Variants in ZIM2 observed in about 807,000 individuals in gnomAD.
ZIM2 encodes zinc finger protein 656.
A neutral mutation model predicts 38.6 loss-of-function variants in ZIM2; 14 were observed. That is an observed-to-expected ratio of 0.36 (90% CI 0.24 to 0.57). The LOEUF (loss-of-function observed/expected upper bound fraction) is 0.57. Ranked by LOEUF, ZIM2 falls within the 20% of genes least tolerant of loss-of-function variation. ZIM2 has a pLI of 0.81. For synonymous variants in ZIM2, 247 were observed against 245.8 expected, an observed-to-expected ratio of 1.00 and a Z score of -0.04; for missense variants, 680 against 695.1, an observed-to-expected ratio of 0.98 and a Z score of 0.24.
chr19:56,786,775 TG>T (rs1331148734), intron 10 of ZIM2, among the ~76,000 whole-genome samples: 1 of 152,210 alleles, frequency 6.6e-6, no homozygotes, highest in Admixed American at 6.5e-5. Context: ...AGCACTGGGC[TG>T]GCAGTTCAGA....
Position 56,814,267 on chromosome 19 carries a change from A to G in ZIM2, c.490+3479T>C. ...CTCCACTTCTGGCTCAGCAGCCTCTACGTTTAAGCCCTGAATCCTCAGAAC... is the reference window on the plus strand; with the variant it reads ...CTCCACTTCTGGCTCAGCAGCCTCTGCGTTTAAGCCCTGAATCCTCAGAAC... On this transcript the variant is annotated intron_variant, in intron 9 of 12. Transcript: ENST00000629319. This position sits in a 1 kb window ranked among gnomAD's most constrained non-coding sequence, Gnocchi z 5.8. The G allele has an allele frequency of 6.2e-7, 1 of 1,613,832 alleles. No individual in the cohort carries two copies. Among genetic ancestry groups the G allele is most frequent in the Non-Finnish European group, 8.5e-7 (1 of 1,180,054 alleles).
At chr19:56,818,797 G>A (rs1206378178) in intron 7 of ZIM2, 95 bp from the exon 8 acceptor site, 11 of 1,407,174 alleles carry the variant, frequency 7.8e-6, no homozygotes, top group East Asian at 6.9e-5. Flanking sequence ...CATATATGAA[G>A]TTATATAGGA....
chr19:56,840,007 C>T (rs1443173017), intron 1 of ZIM2, among the ~76,000 whole-genome samples: 1 of 152,234 alleles, frequency 6.6e-6, no homozygotes, highest in Non-Finnish European at 1.5e-5. Context: ...TCGCCCCTCC[C>T]ACCACCACTG....
intron 3 of ZIM2, 125 bp from the exon 4 acceptor site, chr19:56,824,552 A>G (rs1412989132): frequency 2.5e-6 from 4 of 1,614,158 alleles, no homozygotes; most frequent in Non-Finnish European, 2.5e-6. Context: ...ACCTTCTCCT[A>G]TGATGACATC....
chr19:56,778,125 T>C (rs1024411417), intron 12 of ZIM2, among the ~76,000 whole-genome samples: 2 of 152,150 alleles, frequency 1.3e-5, no homozygotes, highest in Middle Eastern at 3.2e-3. Flanking sequence ...TTACGCTCCG[T>C]TATTATTTGT....
intron 12 of ZIM2, among the ~76,000 whole-genome samples, chr19:56,778,296 G>A (rs1302561210): frequency 6.6e-6 from 1 of 152,202 alleles, no homozygotes; most frequent in African/African-American, 2.4e-5. Flanking sequence ...GAAGAAACCA[G>A]AGTAGGGAAA....
intron 2 of ZIM2, among the ~76,000 whole-genome samples, chr19:56,829,832 G>A (rs112927092): frequency 6.6e-6 from 1 of 152,212 alleles, no homozygotes; most frequent in African/African-American, 2.4e-5. Flanking sequence ...CTGTGACAGC[G>A]AGTCTGGCCA....
At chr19:56,784,711 GTTAA>G (rs1477006564) in intron 10 of ZIM2, among the ~76,000 whole-genome samples, 16 of 152,114 alleles carry the variant, frequency 1.1e-4, no homozygotes, top group Admixed American at 9.8e-4. Context: ...TAAGGCATGG[GTTAA>G]TTAATCTCTT....
At chr19:56,786,641 G>A (rs1234195831) in intron 10 of ZIM2, among the ~76,000 whole-genome samples, 1 of 151,986 alleles carries the variant, frequency 6.6e-6, no homozygotes, top group Non-Finnish European at 1.5e-5. Context: ...AAATTTAGTT[G>A]AAATAGGACG....
chr19:56,779,040 G>C (rs145097351), intron 12 of ZIM2, among the ~76,000 whole-genome samples: 1 of 152,254 alleles, frequency 6.6e-6, no homozygotes, highest in African/African-American at 2.4e-5. Flanking sequence ...GGGAAAGTGG[G>C]AGGGCAGTGA....
chr19:56,810,414 T>C (rs2048046087), intron 9 of ZIM2: 1 of 985,066 alleles, frequency 1.0e-6, no homozygotes, highest in Non-Finnish European at 1.2e-6. Flanking sequence ...TTTTCATCTT[T>C]CTTCCCATCT....
At chr19:56,782,157 A>G (rs771768163) in intron 10 of ZIM2, 36 bp from the exon 11 acceptor site, 68 of 1,601,136 alleles carry the variant, frequency 4.2e-5, no homozygotes, top group Non-Finnish European at 5.4e-5. Flanking sequence ...GTGATTAGAG[A>G]GGACTGAACA....
rs764791278 is a variant in ZIM2 at position 56,822,734 on chromosome 19, G to T, written c.190+19C>A. On this transcript the variant is annotated intron_variant, in intron 6 of 12. Coordinates refer to ENST00000629319, the MANE Select transcript of ZIM2 (RefSeq NM_001387356.1). The stretch of plus-strand genomic sequence containing the variant: ...ATGCTCTATATCTCCTACTGGGAAA[G>T]AAAGTGGTTAAGACTCACTGCTTCT... The T allele has an allele frequency of 1.2e-6, 2 of 1,613,584 alleles. No individual in the cohort carries two copies. The highest frequency in any genetic ancestry group is 1.1e-5 in the South Asian group (1 of 90,810).
rs1489539615 is a variant in ZIM2 at position 56,817,527 on chromosome 19, A to G, written c.490+219T>C. Reference sequence around the variant, plus strand: ...TCACTCCGTGGGAAGATTCATCTTCACAAATCCCCCGCCGGTGGGTTGATT... The same window carrying G: ...TCACTCCGTGGGAAGATTCATCTTCGCAAATCCCCCGCCGGTGGGTTGATT... On this transcript the variant is annotated intron_variant, in intron 9 of 12. Transcript: ENST00000629319. 3 of 1,605,066 alleles carry G rather than the reference A, an allele frequency of 1.9e-6. No individual in the cohort carries two copies. The Admixed American group carries it at 5.1e-5, about 27-fold the overall frequency.
intron 9 of ZIM2, among the ~76,000 whole-genome samples, chr19:56,802,806 G>C (rs903529333): frequency 6.6e-5 from 10 of 152,222 alleles, no homozygotes; most frequent in African/African-American, 2.4e-4. Flanking sequence ...TGAAGCTGGA[G>C]GATCTGACCA....
At chr19:56,813,575 T>A (rs2059689192) in intron 9 of ZIM2, 1 of 1,473,936 alleles carries the variant, frequency 6.8e-7, no homozygotes, top group African/African-American at 1.4e-5. Flanking sequence ...ACACTAAGGT[T>A]AAGTCTCCTA....
chr19:56,785,118 A>G lies in ZIM2; in HGVS notation c.571-2997T>C, dbSNP rs151098138. Among the ~76,000 whole-genome samples, 308 of 152,304 alleles carry G rather than the reference A, an allele frequency of 2.0e-3. 2 individuals carry two copies. The highest frequency in any genetic ancestry group is 7.2e-3 in the African/African-American group (301 of 41,568). On this transcript the variant is annotated intron_variant, in intron 10 of 12. Transcript: ENST00000629319. Reference sequence around the variant, plus strand: ...GGTTTTGTGGCTTCTGATTAAAAGCATTAGAAAATCTGGGGACTGGGTCCA... The same window carrying G: ...GGTTTTGTGGCTTCTGATTAAAAGCGTTAGAAAATCTGGGGACTGGGTCCA...
intron 11 of ZIM2, among the ~76,000 whole-genome samples, chr19:56,780,465 A>G (rs570557939): frequency 6.6e-6 from 1 of 152,158 alleles, no homozygotes; most frequent in Admixed American, 6.5e-5. Flanking sequence ...GCTGGTCTCA[A>G]ACTCCTGACC....
At chr19:56,801,646 C>T (rs1417062737) in intron 9 of ZIM2, among the ~76,000 whole-genome samples, 1 of 152,112 alleles carries the variant, frequency 6.6e-6, no homozygotes, top group Non-Finnish European at 1.5e-5. Flanking sequence ...CTCAGTGAAA[C>T]AGAAAAATAC....
Sources: gnomAD v4.1 joint callset for allele counts (sites outside exome capture counted in the v4.1 genomes callset) on GRCh38, gnomAD v4.1.1 for gene constraint, Gnocchi (gnomAD v3.1) non-coding constraint, MANE v1.5 for transcripts, NCBI Gene and HGNC (gene_info 2026-07-23, HGNC 2026-07-21) for gene names.